The following ITGB5 variants were observed in gnomAD, a reference collection of about 807,000 sequenced individuals.
ITGB5 encodes the protein integrin beta-5.
Under a neutral mutation model 84.8 loss-of-function variants are expected in ITGB5, and 38 were observed. That is an observed-to-expected ratio of 0.45 (90% CI 0.35 to 0.59). ITGB5 has a LOEUF of 0.59. Ranked by LOEUF, ITGB5 falls within the 20% of genes least tolerant of loss-of-function variation. The pLI is 0.01. For synonymous variants in ITGB5, 393 were observed against 414.4 expected, an observed-to-expected ratio of 0.95 and a Z score of 0.63; for missense variants, 905 against 1,034.5, an observed-to-expected ratio of 0.87 and a Z score of 1.72.
At chr3:124,889,857 CA>C (rs1934958936), upstream of ITGB5, among the ~76,000 whole-genome samples, 1 of 152,108 alleles carries the variant, frequency 6.6e-6, no homozygotes, top group South Asian at 2.1e-4. Flanking sequence ...CTTAAAAATA[CA>C]AAAATTAGCT....
At chr3:124,773,580 G>T in intron 11 of ITGB5, 110 bp downstream of exon 11, 1 of 892,592 alleles carries the variant, frequency 1.1e-6, no homozygotes, top group Non-Finnish European at 1.8e-6. Context: ...TGCTGGGTGG[G>T]AGATGCAGGA....
At chr3:124,863,205 G>A (rs551541619) in intron 2 of ITGB5, 2 of 152,268 alleles carry the variant, frequency 1.3e-5, no homozygotes, top group South Asian at 2.1e-4. Flanking sequence ...GAGCTCTAGG[G>A]ACTCAGAGCC....
chr3:124,777,135 C>T (rs1476006800), intron 10 of ITGB5, among the ~76,000 whole-genome samples: 1 of 152,156 alleles, frequency 6.6e-6, no homozygotes, highest in Non-Finnish European at 1.5e-5. Context: ...AGTCAGGAGT[C>T]AAGGGTAGGA....
intron 1 of ITGB5, among the ~76,000 whole-genome samples, chr3:124,894,112 T>C (rs1177841075): frequency 2.0e-5 from 3 of 150,758 alleles, no homozygotes; most frequent in African/African-American, 7.3e-5. Flanking sequence ...AATGAAATTA[T>C]AGTAAAAGTT....
intron 1 of ITGB5, chr3:124,894,535 G>C (rs969617844): frequency 6.6e-6 from 1 of 152,078 alleles, no homozygotes; most frequent in Non-Finnish European, 1.5e-5. Flanking sequence ...GTAGAGCTTA[G>C]ACATGGAGGA....
intron 10 of ITGB5, among the ~76,000 whole-genome samples, chr3:124,776,554 A>C (rs1292312020): frequency 6.6e-6 from 1 of 152,084 alleles, no homozygotes. Flanking sequence ...CTGCTTATCT[A>C]TCCACCTGTC....
At chr3:124,857,865 G>A (rs1301043528) in intron 3 of ITGB5, among the ~76,000 whole-genome samples, 4 of 152,108 alleles carry the variant, frequency 2.6e-5, no homozygotes, top group Non-Finnish European at 4.4e-5. Flanking sequence ...CAGGCATGGT[G>A]GTTCACGCCT....
intron 10 of ITGB5, chr3:124,792,760 G>T (rs2064166690): frequency 6.6e-6 from 1 of 152,176 alleles, no homozygotes; most frequent in African/African-American, 2.4e-5. Context: ...CCGCAGGATT[G>T]TATGGGGTGA....
intron 1 of ITGB5, among the ~76,000 whole-genome samples, chr3:124,875,134 T>C (rs747955706): frequency 2.6e-5 from 4 of 152,084 alleles, no homozygotes; most frequent in Non-Finnish European, 5.9e-5. Context: ...TCCAAATACA[T>C]AAAGAATTCA....
intron 1 of ITGB5, among the ~76,000 whole-genome samples, chr3:124,883,116 A>C (rs1465963633): frequency 6.6e-6 from 1 of 152,190 alleles, no homozygotes; most frequent in Non-Finnish European, 1.5e-5. Context: ...CCATTAACCC[A>C]GCTGCACACT....
intron 5 of ITGB5, among the ~76,000 whole-genome samples, chr3:124,829,650 C>T (rs1454282222): frequency 1.3e-5 from 2 of 152,214 alleles, no homozygotes; most frequent in Non-Finnish European, 2.9e-5. Flanking sequence ...CATGTCCTCC[C>T]AGCCTCGCTC....
chr3:124,773,966 A>G (rs779174449), intron 10 of ITGB5, 54 bp from the exon 11 acceptor site: 17 of 1,491,320 alleles, frequency 1.1e-5, no homozygotes, highest in East Asian at 4.5e-5. Context: ...ACATGAGCAC[A>G]TAACCATCTG....
chr3:124,772,701 C>T (rs1391356783), intron 11 of ITGB5, among the ~76,000 whole-genome samples: 4 of 152,150 alleles, frequency 2.6e-5, no homozygotes, highest in South Asian at 2.1e-4. Flanking sequence ...GTGGAGCATG[C>T]GGGGCTGAGC....
At chr3:124,874,116 C>A (rs1579327647) in intron 1 of ITGB5, among the ~76,000 whole-genome samples, 1 of 149,556 alleles carries the variant, frequency 6.7e-6, no homozygotes, top group African/African-American at 2.4e-5. Flanking sequence ...CTATAATAAT[C>A]CCAACATTTT....
At chr3:124,812,660 T>C (rs1303797018) in intron 8 of ITGB5, among the ~76,000 whole-genome samples, 1 of 152,166 alleles carries the variant, frequency 6.6e-6, no homozygotes, top group Non-Finnish European at 1.5e-5. Flanking sequence ...AAGCACCACA[T>C]TGCCAAACTC....
At chr3:124,872,335 G>A (rs1215123072) in intron 2 of ITGB5, among the ~76,000 whole-genome samples, 1 of 152,152 alleles carries the variant, frequency 6.6e-6, no homozygotes, top group Non-Finnish European at 1.5e-5. Flanking sequence ...TTATTTTACT[G>A]CTCTGAGTCT....
chr3:124,864,592 C>CATA (rs372223143), intron 2 of ITGB5, among the ~76,000 whole-genome samples: 2 of 152,074 alleles, frequency 1.3e-5, no homozygotes, highest in African/African-American at 2.4e-5. Context: ...CACCCACAGA[C>CATA]ATAAACATGG....
chr3:124,796,966 A>G, intron 9 of ITGB5, 149 bp from the exon 10 acceptor site: 1 of 696,146 alleles, frequency 1.4e-6, no homozygotes, highest in Non-Finnish European at 2.4e-6. Context: ...CGGAGTAGGA[A>G]GAGACCTCAG....
intron 8 of ITGB5, among the ~76,000 whole-genome samples, chr3:124,816,131 G>T (rs1003543298): frequency 6.6e-6 from 1 of 152,050 alleles, no homozygotes; most frequent in African/African-American, 2.4e-5. Flanking sequence ...GAAGAAAGGG[G>T]GTAAAAACAA....
Sources: gnomAD v4.1 joint callset for allele counts (sites outside exome capture counted in the v4.1 genomes callset) on GRCh38, gnomAD v4.1.1 for gene constraint, MANE v1.5 for transcripts, NCBI Gene and HGNC (gene_info 2026-07-23, HGNC 2026-07-21) for gene names.